The following CMSS1 variants were observed in gnomAD, a reference collection of about 807,000 sequenced individuals.
CMSS1 encodes cms1 ribosomal small subunit homolog.
In CMSS1, 33 loss-of-function variants were observed where a neutral mutation model predicts 43.5. The observed-to-expected ratio is 0.76, with a 90% CI of 0.57 to 1.01. CMSS1 has a LOEUF of 1.01. CMSS1 is among the 50% of genes least tolerant of loss of function. The pLI, the probability that CMSS1 is intolerant of heterozygous loss-of-function variation, is 0.00. For missense variants in CMSS1, 313 were observed against 326.4 expected (o/e 0.96, Z 0.32); for synonymous variants, 115 against 117.2 (o/e 0.98, Z 0.12).
intron 1 of CMSS1, among the ~76,000 whole-genome samples, chr3:100,050,294 A>T (rs2065348131): frequency 6.6e-6 from 1 of 152,204 alleles, no homozygotes; most frequent in African/African-American, 2.4e-5. Context: ...GTGCCCTCTA[A>T]TGAGTCAGGA....
chr3:100,023,815 C>T (rs1456319896), intron 1 of CMSS1, among the ~76,000 whole-genome samples: 2 of 152,180 alleles, frequency 1.3e-5, no homozygotes, highest in African/African-American at 4.8e-5. Flanking sequence ...GCAAAGCATA[C>T]TATGTTCTCC....
At chr3:99,926,839 G>C (rs1486492198) in intron 1 of CMSS1, among the ~76,000 whole-genome samples, 1 of 152,074 alleles carries the variant, frequency 6.6e-6, no homozygotes, top group African/African-American at 2.4e-5. Context: ...GTGGTTGTTT[G>C]AAGGGAATGG....
intron 1 of CMSS1, among the ~76,000 whole-genome samples, chr3:99,902,894 A>C (rs1706481939): frequency 6.6e-6 from 1 of 152,198 alleles, no homozygotes; most frequent in African/African-American, 2.4e-5. Flanking sequence ...AAATCTATGA[A>C]AGTGATTTAT....
intron 1 of CMSS1, among the ~76,000 whole-genome samples, chr3:99,920,922 G>T (rs971689723): frequency 1.3e-5 from 2 of 152,152 alleles, no homozygotes; most frequent in Non-Finnish European, 2.9e-5. Context: ...CCAACACTTA[G>T]AATGTGAGCA....
At chr3:100,067,414 C>G (rs1019345982) in intron 1 of CMSS1, among the ~76,000 whole-genome samples, 87 of 152,248 alleles carry the variant, frequency 5.7e-4, no homozygotes, top group African/African-American at 2.1e-3. Flanking sequence ...AAGGTGGAGG[C>G]TTTTGGAATG....
chr3:99,936,699 C>G (rs1576585858), intron 1 of CMSS1, among the ~76,000 whole-genome samples: 2 of 150,280 alleles, frequency 1.3e-5, no homozygotes. Flanking sequence ...AAATCACTTG[C>G]CAAAGGTCAC....
At chr3:99,911,661 C>G (rs907730918) in intron 1 of CMSS1, among the ~76,000 whole-genome samples, 1 of 152,190 alleles carries the variant, frequency 6.6e-6, no homozygotes, top group African/African-American at 2.4e-5. Context: ...TAATTGCTGC[C>G]TGCTGGGAAA....
chr3:100,081,603 C>T (rs1559751199), intron 1 of CMSS1, among the ~76,000 whole-genome samples: 1 of 152,110 alleles, frequency 6.6e-6, no homozygotes. Flanking sequence ...TAATTGTTGC[C>T]TCCTTGAAGT....
chr3:100,093,496 T>C (rs1559755082), intron 1 of CMSS1, among the ~76,000 whole-genome samples: 2 of 152,188 alleles, frequency 1.3e-5, no homozygotes, highest in Non-Finnish European at 2.9e-5. Flanking sequence ...CTTTTTACTT[T>C]GAGATAATTG....
chr3:100,030,461 G>A (rs1205645924), intron 1 of CMSS1, among the ~76,000 whole-genome samples: 1 of 151,978 alleles, frequency 6.6e-6, no homozygotes. Context: ...GTAATGATTC[G>A]TCCTCCCTAC....
rs1427274646 is a variant in CMSS1, at chr3:99,875,469, A to G, written c.64+57426A>G. Among the ~76,000 whole-genome samples the G allele has an allele frequency of 2.0e-5, 3 of 152,244 alleles. No homozygotes were observed. In the East Asian group the frequency reaches 5.8e-4, roughly 29 times the overall value. On this transcript the variant is annotated intron_variant, in intron 1 of 9. Transcript: ENST00000421999. ...ACTTGAAGCAGAAAGTTAGAACTCA[A>G]AACTATGATAGTTACTTCCTTGTAC...
At chr3:100,026,284 A>G (rs1211176062) in intron 1 of CMSS1, among the ~76,000 whole-genome samples, 2 of 152,126 alleles carry the variant, frequency 1.3e-5, no homozygotes, top group African/African-American at 4.8e-5. Flanking sequence ...TTTTGCTGCC[A>G]TGAGTATATG....
intron 1 of CMSS1, among the ~76,000 whole-genome samples, chr3:100,141,201 G>A (rs990109929): frequency 6.6e-6 from 1 of 152,196 alleles, no homozygotes; most frequent in African/African-American, 2.4e-5. Flanking sequence ...CCCACTTTGT[G>A]TCAGAATGTC....
intron 1 of CMSS1, among the ~76,000 whole-genome samples, chr3:99,911,382 C>G (rs187774917): frequency 1.5e-4 from 23 of 150,978 alleles, no homozygotes; most frequent in African/African-American, 4.9e-4. Context: ...TAAGTTGTTT[C>G]CAAATTTGAC....
chr3:100,176,312 T>C lies in CMSS1; in HGVS notation c.668-15T>C, dbSNP rs112436897. The C allele has an allele frequency of 2.0e-4, 317 of 1,570,978 alleles. 2 individuals are homozygous for C. In the African/African-American group the frequency reaches 3.3e-3, roughly 16 times the overall value. On this transcript the variant is annotated splice_polypyrimidine_tract_variant and intron_variant, in intron 8 of 9. Transcript: ENST00000421999. ...GAGGTCTTTACTACAGCAACTCTCTTCCTGTCTCTTTCAGGTGGCCTTAAT... is the reference window on the plus strand; with the variant it reads ...GAGGTCTTTACTACAGCAACTCTCTCCCTGTCTCTTTCAGGTGGCCTTAAT...
chr3:100,025,345 A>T lies in CMSS1; in HGVS notation c.65-121628A>T, dbSNP rs1005474470. The T allele has an allele frequency of 1.4e-4, 21 of 152,192 alleles. 1 individual carries two copies. Among genetic ancestry groups the T allele is most frequent in the African/African-American group, 4.6e-4 (19 of 41,446 alleles). 9.4% of individuals were successfully genotyped at this position (152,192 alleles called of 1,614,324 possible). A position where few individuals can be genotyped will look rare whatever the true frequency, so the allele number is the denominator to read the frequency against. ...TTTGTATTTATTTGATCACATTCAC[A>T]AACCGTATTTGCTAACTTTCCTAAT... On this transcript the variant is annotated intron_variant, in intron 1 of 9. Coordinates refer to ENST00000421999, the MANE Select transcript of CMSS1 (RefSeq NM_032359.4).
rs151110743 is a variant in CMSS1, at chr3:99,922,376, A to G, written c.64+104333A>G. Among the ~76,000 whole-genome samples the G allele has an allele frequency of 6.7e-3, 1,026 of 152,230 alleles. 3 individuals carry two copies. Among genetic ancestry groups the G allele is most frequent in the African/African-American group, 8.5e-3 (353 of 41,534 alleles). ...GTGCCAGATTTCTTGTGCTCCTTTAATCTGTCCCTGTAGATATTTCAGAGT... is the reference window on the plus strand; with the variant it reads ...GTGCCAGATTTCTTGTGCTCCTTTAGTCTGTCCCTGTAGATATTTCAGAGT... On this transcript the variant is annotated intron_variant, in intron 1 of 9. Transcript: ENST00000421999.
intron 2 of CMSS1, among the ~76,000 whole-genome samples, chr3:100,155,405 A>G (rs1185547923): frequency 2.0e-5 from 3 of 152,170 alleles, no homozygotes; most frequent in Non-Finnish European, 4.4e-5. Context: ...TTGTTTCCAT[A>G]TGTTCCAACA....
intron 1 of CMSS1, among the ~76,000 whole-genome samples, chr3:99,983,464 GTATATATATATATATATA>G (rs1191587665): frequency 5.5e-4 from 7 of 12,688 alleles, no homozygotes; most frequent in Non-Finnish European, 8.4e-4. Flanking sequence ...ATATATGTGT[GTATATATATATATATATA>G]TATATATATA....
Sources: allele counts gnomAD v4.1 joint callset (sites outside exome capture counted in the v4.1 genomes callset), GRCh38; gene constraint gnomAD v4.1.1; transcripts MANE v1.5; gene names NCBI Gene and HGNC (gene_info 2026-07-23, HGNC 2026-07-21).